MGAM: variants seen among roughly 807,000 people sequenced by gnomAD.
MGAM encodes the protein maltase-glucoamylase.
In MGAM, 253 loss-of-function variants were observed where a neutral mutation model predicts 358.8. That is an observed-to-expected ratio of 0.71 (90% CI 0.64 to 0.78). The LOEUF (loss-of-function observed/expected upper bound fraction) is 0.78, where lower values mean the gene tolerates loss of function less well. Among genes scored for constraint, MGAM ranks in the 30% least tolerant of loss-of-function variants. MGAM has a pLI of 0.00. For synonymous variants in MGAM, 1,105 were observed against 1,227.1 expected (o/e 0.90, Z 2.08); for missense variants, 3,080 against 3,432.6 (o/e 0.90, Z 2.57).
chr7:142,072,956 G>A lies in MGAM; in HGVS notation c.5187-1129G>A, dbSNP rs2129048588. ...GTTTTGCTATCCTGTTATTGTTTTG[G>A]TCTCTTGAGTATATTCCTTACTGTC... On this transcript the variant is annotated intron_variant, in intron 44 of 70. Coordinates refer to ENST00000475668, the MANE Select transcript of MGAM (RefSeq NM_001365693.1). 1.4e-5 allele frequency among the ~76,000 whole-genome samples: 2 copies of A among 146,272 alleles called. 1 individual carries two copies. The highest frequency in any genetic ancestry group is 3.1e-5 in the Non-Finnish European group (2 of 64,544).
At chr7:142,045,828 A>T (rs202098942) in intron 21 of MGAM, among the ~76,000 whole-genome samples, 409 of 40,254 alleles carry the variant, frequency 0.01, 31 homozygotes, top group South Asian at 0.017. Context: ...TATGATATAT[A>T]TTATATATAC....
intron 20 of MGAM, 81 bp downstream of exon 20, chr7:142,040,252 A>G (rs1265105276): frequency 5.6e-6 from 6 of 1,079,604 alleles, no homozygotes; most frequent in Non-Finnish European, 8.4e-6. Flanking sequence ...GGAGAGAGAA[A>G]CATCCATCTA....
In MGAM at chr7:142,045,491, TATG is replaced by T. The variant is rs1296078827; in HGVS notation, c.2499-2291_2499-2289del. On this transcript the variant is annotated intron_variant, in intron 21 of 70. Transcript: ENST00000475668. ...ATATATATTATATATACATACAATA[TATG>T]ATATTATATATTACATATACATATA... Among the ~76,000 whole-genome samples, 77 of 111,410 alleles carry T rather than the reference TATG, an allele frequency of 6.9e-4. 1 individual carries two copies. Among genetic ancestry groups the T allele is most frequent in the African/African-American group, 2.7e-3 (70 of 26,276 alleles). The allele number at this position is 111,410 out of a possible 152,430, so 73.1% of individuals were successfully genotyped here.
chr7:142,036,814 TC>T lies in MGAM; in HGVS notation c.2077-7del. On this transcript the variant is annotated splice_polypyrimidine_tract_variant and splice_region_variant and intron_variant, in intron 17 of 70. Transcript: ENST00000475668. ...CAAACCACAACTGCAAACTCCTATT[TC>T]CTCCCAGGACCAGGATCCTGCCTCC... 1 of 1,612,634 alleles carries T rather than the reference TC, an allele frequency of 6.2e-7. No individual in the cohort carries two copies. The highest frequency in any genetic ancestry group is 1.7e-5 in the Admixed American group (1 of 59,868).
At position 142,068,179 on chromosome 7, in the gene MGAM, A is replaced by G. The variant is rs1182371841; in HGVS notation, c.5005-468A>G. ...TTTTTTTTTCTTTTTTTGTATGTTT[A>G]GTAGAGATGGGGTTTCACTGTATTA... On this transcript the variant is annotated intron_variant, in intron 42 of 70. Transcript: ENST00000475668. Among the ~76,000 whole-genome samples, 2 of 131,626 alleles carry G rather than the reference A, an allele frequency of 1.5e-5. 1 individual carries two copies. Among genetic ancestry groups the G allele is most frequent in the African/African-American group, 5.1e-5 (2 of 39,040 alleles). The allele number at this position is 131,626 out of a possible 152,430, so 86.4% of individuals were successfully genotyped here.
intron 9 of MGAM, 130 bp from the exon 10 acceptor site, chr7:142,027,480 T>A: frequency 9.2e-7 from 1 of 1,083,086 alleles, no homozygotes; most frequent in Non-Finnish European, 1.3e-6. Context: ...AAAAATAGAC[T>A]AACATTCTAA....
chr7:142,016,321 T>C (rs190773246), intron 3 of MGAM, among the ~76,000 whole-genome samples: 40 of 152,324 alleles, frequency 2.6e-4, no homozygotes, highest in Non-Finnish European at 1.5e-5. Context: ...ATAGCTATTA[T>C]ATAAAAAGTA....
chr7:142,009,249 C>T (rs1805414417), intron 3 of MGAM, among the ~76,000 whole-genome samples: 1 of 152,166 alleles, frequency 6.6e-6, no homozygotes, highest in Non-Finnish European at 1.5e-5. Context: ...ACAGTGCAGA[C>T]ATCTGGGCAT....
chr7:142,038,723 A>G, intron 19 of MGAM, 108 bp downstream of exon 19: 1 of 779,836 alleles, frequency 1.3e-6, no homozygotes, highest in Non-Finnish European at 2.0e-6. Flanking sequence ...TCTGTGACTG[A>G]GTCAGCCTTG....
intron 43 of MGAM, among the ~76,000 whole-genome samples, chr7:142,069,712 G>A (rs1263580139): frequency 2.7e-5 from 4 of 145,536 alleles, no homozygotes; most frequent in Non-Finnish European, 6.2e-5. Context: ...CCCTTAGGGT[G>A]GTAACATGTT....
chr7:142,059,541 G>A lies in MGAM; in HGVS notation c.3889G>A (p.Gly1297Arg), dbSNP rs755336969. The change falls in exon 32 of 71, where the codon GGG (glycine) becomes AGG (arginine). Residue 1297 changes from glycine to arginine, a missense_variant. By Grantham distance (125) the Gly-to-Arg change is moderately radical (BLOSUM62 -2). Coordinates refer to ENST00000475668, the MANE Select transcript of MGAM (RefSeq NM_001365693.1). Reference protein sequence around the residue: ...LDFTLSPKFAGFPALINRMKA... With the variant: ...LDFTLSPKFARFPALINRMKA... ...CTTCACCCTCAGCCCCAAGTTTGCT[G>A]GGTTTCCAGCTCTGATCAATCGCAT... 3.1e-6 allele frequency: 5 copies of A among 1,612,916 alleles called. No homozygotes were observed. The highest frequency in any genetic ancestry group is 2.7e-5 in the African/African-American group (2 of 74,874).
Position 142,040,812 on chromosome 7 carries a change from C to T in MGAM, c.2464C>T (p.Pro822Ser). ...TCACCTTCGAGGAGGCTACATCTTC[C>T]CCACACAGCAGCCAAATACAACCAC... ...GLHLRGGYIFPTQQPNTTTLA... is the reference protein window; with the variant it reads ...GLHLRGGYIFSTQQPNTTTLA... The change falls in exon 21 of 71, where the codon CCC becomes TCC. Residue 822 changes from proline to serine, a missense_variant. Physicochemically the swap from Pro to Ser is moderately conservative, Grantham distance 74. This residue lies in a region of MGAM where 1,816 missense variants were observed against 1,840.5 expected (regional missense o/e 0.99). Coordinates refer to ENST00000475668, the MANE Select transcript of MGAM (RefSeq NM_001365693.1). The T allele has an allele frequency of 1.2e-6, 2 of 1,612,784 alleles. No homozygotes were observed. The highest frequency in any genetic ancestry group is 1.3e-5 in the African/African-American group (1 of 74,954).
chr7:142,076,881 T>C lies in MGAM; in HGVS notation c.5493+55T>C. On this transcript the variant is annotated intron_variant, in intron 47 of 70. Coordinates refer to ENST00000475668, the MANE Select transcript of MGAM (RefSeq NM_001365693.1). ...TTGAGAATTCTCCATAGCACCATGA[T>C]GTTTCTTCTTGCCAAGTTTGCATGG... 1.3e-6 allele frequency: 2 copies of C among 1,506,524 alleles called. 1 individual carries two copies. The highest frequency in any genetic ancestry group is 1.8e-6 in the Non-Finnish European group (2 of 1,093,260). 93.3% of individuals were successfully genotyped at this position (1,506,524 alleles called of 1,614,324 possible). A position where few individuals can be genotyped will look rare whatever the true frequency, so the allele number is the denominator to read the frequency against.
At chr7:142,045,488 A>G (rs1341446363) in intron 21 of MGAM, among the ~76,000 whole-genome samples, 2 of 111,982 alleles carry the variant, frequency 1.8e-5, no homozygotes, top group Non-Finnish European at 3.2e-5. Flanking sequence ...TATACATACA[A>G]TATATGATAT....
rs60987692 is a variant in MGAM at position 142,081,745 on chromosome 7, G to A, written c.6003-297G>A. ...AGAAAATGCGCTGAGGGGTGCAAGGGTGGAAGGCAGTGCTGGTGTGGAGTG... is the reference window on the plus strand; with the variant it reads ...AGAAAATGCGCTGAGGGGTGCAAGGATGGAAGGCAGTGCTGGTGTGGAGTG... On this transcript the variant is annotated intron_variant, in intron 50 of 70. Transcript: ENST00000475668. Among the ~76,000 whole-genome samples the A allele has an allele frequency of 4.8e-3, 694 of 145,912 alleles. 27 individuals are homozygous for A. The highest frequency in any genetic ancestry group is 0.016 in the African/African-American group (641 of 41,140).
At chr7:142,067,027 A>C (rs1812829720) in intron 41 of MGAM, among the ~76,000 whole-genome samples, 1 of 146,546 alleles carries the variant, frequency 6.8e-6, no homozygotes, top group Non-Finnish European at 1.5e-5. Flanking sequence ...GACCCAGGTC[A>C]CAAAAGAAGG....
chr7:142,026,473 G>A (rs140130009), intron 8 of MGAM, among the ~76,000 whole-genome samples: 128 of 152,290 alleles, frequency 8.4e-4, no homozygotes, highest in African/African-American at 2.8e-3. Context: ...AATTCTCAGT[G>A]ATGAGTAACT....
In MGAM at chr7:142,105,160, G is replaced by A. The variant is rs181369222; in HGVS notation, c.8185-654G>A. Among the ~76,000 whole-genome samples the A allele has an allele frequency of 1.4e-3, 219 of 152,298 alleles. 1 individual carries two copies. Among genetic ancestry groups the A allele is most frequent in the African/African-American group, 5.0e-3 (208 of 41,562 alleles). On this transcript the variant is annotated intron_variant, in intron 70 of 70. Coordinates refer to ENST00000475668, the MANE Select transcript of MGAM (RefSeq NM_001365693.1). ...GGACTCTTGCTGGGCAAACACTGGGGTGCTATAGTGGAATAGGAGAAGGAG... is the reference window on the plus strand; with the variant it reads ...GGACTCTTGCTGGGCAAACACTGGGATGCTATAGTGGAATAGGAGAAGGAG...
rs782355667 is a variant in MGAM, at chr7:142,025,104, A to G, written c.937A>G (p.Ser313Gly). ...QTFFLCLEDA[S>G]GLSFGVFLMN... ...ATTCTTCTTGTGCCTTGAAGATGCT[A>G]GTGGATTGTCCTTTGGGGTGTTTCT... The change falls in exon 8 of 71, where the codon AGT becomes GGT. Residue 313 changes from serine (S) to glycine (G), a missense_variant. This residue lies in a region of MGAM where 1,816 missense variants were observed against 1,840.5 expected (regional missense o/e 0.99). Coordinates refer to ENST00000475668, the MANE Select transcript of MGAM (RefSeq NM_001365693.1). The G allele has an allele frequency of 2.5e-6, 4 of 1,613,598 alleles. No individual in the cohort carries two copies. In the South Asian group the frequency reaches 4.4e-5, roughly 18 times the overall value.
Sources: gnomAD v4.1 joint callset for allele counts (sites outside exome capture counted in the v4.1 genomes callset) on GRCh38, gnomAD v4.1.1 for gene constraint, gnomAD v4.1.1 regional missense constraint, MANE v1.5 for transcripts, NCBI Gene and HGNC (gene_info 2026-07-23, HGNC 2026-07-21) for gene names.